The following ARMC7 variants were observed in gnomAD, a reference collection of about 807,000 sequenced individuals.
ARMC7 encodes armadillo repeat-containing protein 7.
ARMC7 carries 9 observed loss-of-function variants against 14.8 expected under a neutral mutation model. That is an observed-to-expected ratio of 0.61 (90% CI 0.37 to 1.06). The LOEUF is 1.06. Among genes scored for constraint, ARMC7 ranks in the 50% least tolerant of loss-of-function variants. The probability of loss-of-function intolerance (pLI) is 0.01; values close to 1 mark genes in which losing one functional copy is unlikely to be tolerated. For synonymous variants in ARMC7, 125 were observed against 123.4 expected, an observed-to-expected ratio of 1.01 and a Z score of -0.09; for missense variants, 262 against 267.1, an observed-to-expected ratio of 0.98 and a Z score of 0.13.
intron 2 of ARMC7, among the ~76,000 whole-genome samples, chr17:75,119,478 T>C (rs1465809893): frequency 1.3e-5 from 2 of 148,154 alleles, no homozygotes; most frequent in African/African-American, 5.1e-5. Flanking sequence ...AGACGGAGTT[T>C]CGCTCTGTCG....
intron 2 of ARMC7, among the ~76,000 whole-genome samples, chr17:75,111,717 G>A (rs1207965016): frequency 4.0e-5 from 6 of 151,610 alleles, no homozygotes; most frequent in Admixed American, 3.3e-4. Flanking sequence ...CAGCCTGGGT[G>A]ACAAAACGAG....
intron 2 of ARMC7, among the ~76,000 whole-genome samples, chr17:75,119,450 T>TTTG (rs1568016804): frequency 4.3e-5 from 6 of 140,032 alleles, no homozygotes; most frequent in African/African-American, 1.5e-4. Context: ...GATACAGTTT[T>TTTG]TTCTTTTTTT....
intron 2 of ARMC7, among the ~76,000 whole-genome samples, chr17:75,113,172 C>G (rs1273724805): frequency 6.6e-6 from 1 of 151,280 alleles, no homozygotes; most frequent in East Asian, 1.9e-4. Context: ...TATAGGCGCC[C>G]GCCACCACGC....
At chr17:75,118,401 G>A (rs2127080) in intron 2 of ARMC7, among the ~76,000 whole-genome samples, 1 of 152,130 alleles carries the variant, frequency 6.6e-6, no homozygotes, top group Non-Finnish European at 1.5e-5. Flanking sequence ...GTTCCCATCA[G>A]CGGTGGCAGT....
In ARMC7 at chr17:75,110,096, C is replaced by T. The variant is rs1458296595; in HGVS notation, c.-193C>T. 7 of 590,840 alleles carry T rather than the reference C, an allele frequency of 1.2e-5. No homozygotes were observed. The highest frequency in any genetic ancestry group is 1.8e-5 in the Non-Finnish European group (6 of 338,534). The allele number at this position is 590,840 out of a possible 1,614,324, so 36.6% of individuals were successfully genotyped here. On this transcript the variant is annotated 5_prime_UTR_variant, in exon 1 of 3. Coordinates refer to ENST00000245543, the MANE Select transcript of ARMC7 (RefSeq NM_024585.4). ...ACGCAACTCCTACAGGATTCTGAGACCCCGTCCCATCTCCCATATCCCATT... is the reference window on the plus strand; with the variant it reads ...ACGCAACTCCTACAGGATTCTGAGATCCCGTCCCATCTCCCATATCCCATT...
rs918251959 is a variant in ARMC7, at chr17:75,113,448, G to A, written c.235+2842G>A. 5.3e-5 allele frequency among the ~76,000 whole-genome samples: 8 copies of A among 151,220 alleles called. 1 individual carries two copies. In the South Asian group the frequency reaches 1.2e-3, roughly 24 times the overall value. On this transcript the variant is annotated intron_variant, in intron 2 of 2. Coordinates refer to ENST00000245543, the MANE Select transcript of ARMC7 (RefSeq NM_024585.4). ...CGGCTCACTGCAAGCTCCGCCTCCC[G>A]GGTTCACGCCATTCTCCTGCCTCAG...
At chr17:75,120,813 CAAAA>C (rs145302822) in intron 2 of ARMC7, among the ~76,000 whole-genome samples, 31 of 81,704 alleles carry the variant, frequency 3.8e-4, no homozygotes, top group African/African-American at 8.8e-4. Flanking sequence ...GACTCGGTCT[CAAAA>C]AAAAAAAAAA....
intron 2 of ARMC7, among the ~76,000 whole-genome samples, chr17:75,111,744 A>C (rs1253314149): frequency 1.3e-5 from 2 of 151,616 alleles, no homozygotes; most frequent in Admixed American, 6.6e-5. Context: ...TCTCAAAAAC[A>C]AAAATAACTC....
chr17:75,114,219 A>G (rs1027931300), intron 2 of ARMC7: 19 of 401,118 alleles, frequency 4.7e-5, no homozygotes, highest in Non-Finnish European at 7.5e-5. Context: ...ATGTGGCTAA[A>G]TCTCCACCAG....
rs2074079012 is a variant in ARMC7, at chr17:75,129,060, T to TGGCACCCCTACTGCTGGAGACCAC, written c.*23_*46dup. On this transcript the variant is annotated 3_prime_UTR_variant, in exon 3 of 3. Coordinates refer to ENST00000245543, the MANE Select transcript of ARMC7 (RefSeq NM_024585.4). The stretch of plus-strand genomic sequence containing the variant: ...CTGATCCATGGAGACTGCGAGACCG[T>TGGCACCCCTACTGCTGGAGACCAC]GGCACCCCTACTGCTGGAGACCACA... 1 of 1,576,674 alleles carries TGGCACCCCTACTGCTGGAGACCAC rather than the reference T, an allele frequency of 6.3e-7. No homozygotes were observed. The highest frequency in any genetic ancestry group is 2.2e-5 in the East Asian group (1 of 44,544).
Position 75,110,156 on chromosome 17 carries a change from G to A in ARMC7, c.-133G>A. ...AAATTACTGCAGAATCTGAACCCAG[G>A]AAAGAAACCCATTTGCCGACCCCCT... On this transcript the variant is annotated 5_prime_UTR_variant, in exon 1 of 3. Transcript: ENST00000245543. The A allele has an allele frequency of 1.2e-6, 1 of 808,556 alleles. No individual in the cohort carries two copies. The highest frequency in any genetic ancestry group is 1.9e-6 in the Non-Finnish European group (1 of 526,346). 50.1% of individuals were successfully genotyped at this position (808,556 alleles called of 1,614,324 possible).
At chr17:75,121,569 A>G (rs1228821134) in intron 2 of ARMC7, among the ~76,000 whole-genome samples, 2 of 152,124 alleles carry the variant, frequency 1.3e-5, no homozygotes, top group African/African-American at 2.4e-5. Flanking sequence ...GTAGGCCACC[A>G]TGCCTAGCTA....
Position 75,129,179 on chromosome 17 carries a change from A to G in ARMC7, c.*141A>G. ...GGCGGGTTCTTTCAGCAGGACAGGC[A>G]TTTACACTGATGAAACGCCACTGGG... On this transcript the variant is annotated 3_prime_UTR_variant, in exon 3 of 3. Transcript: ENST00000245543. 1 of 1,199,380 alleles carries G rather than the reference A, an allele frequency of 8.3e-7. No individual in the cohort carries two copies. The highest frequency in any genetic ancestry group is 1.5e-5 in the African/African-American group (1 of 65,760). 74.3% of individuals were successfully genotyped at this position (1,199,380 alleles called of 1,614,324 possible).
At chr17:75,110,427 C>G in intron 1 of ARMC7, 36 bp from the exon 2 acceptor site, 1 of 1,614,190 alleles carries the variant, frequency 6.2e-7, no homozygotes, top group East Asian at 2.2e-5. Context: ...GTGACCGCCG[C>G]CCGGACCTGG....
rs763990950 is a variant in ARMC7, at chr17:75,110,390, C to T, written c.91+11C>T. ...AGACCCAAAGCCAAGGTGAGAGCCACGGTGGGATCAGGTGGCAGGGTCCGC... is the reference window on the plus strand; with the variant it reads ...AGACCCAAAGCCAAGGTGAGAGCCATGGTGGGATCAGGTGGCAGGGTCCGC... On this transcript the variant is annotated intron_variant, in intron 1 of 2. Coordinates refer to ENST00000245543, the MANE Select transcript of ARMC7 (RefSeq NM_024585.4). 9.3e-6 allele frequency: 15 copies of T among 1,614,016 alleles called. 1 individual carries two copies. The Admixed American group carries it at 1.0e-4, about 11-fold the overall frequency.
chr17:75,118,770 C>T (rs1010789180), intron 2 of ARMC7, among the ~76,000 whole-genome samples: 2 of 152,274 alleles, frequency 1.3e-5, no homozygotes, highest in African/African-American at 4.8e-5. Flanking sequence ...ACCATGTGCT[C>T]GCCACACGCC....
At chr17:75,114,945 T>C (rs990028632) in intron 2 of ARMC7, 4 of 380,298 alleles carry the variant, frequency 1.1e-5, no homozygotes, top group East Asian at 3.7e-5. Context: ...CAGGCACTTA[T>C]TCTGCTGTTT....
chr17:75,124,688 CCCGCCATTTCCCATGGGAGGG>C (rs777709814), intron 2 of ARMC7, among the ~76,000 whole-genome samples: 30 of 151,972 alleles, frequency 2.0e-4, no homozygotes, highest in South Asian at 1.0e-3. Flanking sequence ...TCCAGAGGGC[CCCGCCATTTCCCATGGGAGGG>C]CCGCCATTTC....
intron 2 of ARMC7, among the ~76,000 whole-genome samples, chr17:75,111,951 A>G (rs2073926811): frequency 6.6e-6 from 1 of 151,458 alleles, no homozygotes. Context: ...TTTGCCCCTC[A>G]GGAGCTTACA....
Sources: allele counts gnomAD v4.1 joint callset (sites outside exome capture counted in the v4.1 genomes callset), GRCh38; gene constraint gnomAD v4.1.1; transcripts MANE v1.5; gene names NCBI Gene and HGNC (gene_info 2026-07-23, HGNC 2026-07-21).